ESR1: variants seen among roughly 807,000 people sequenced by gnomAD.
ESR1 encodes estrogen receptor.
A neutral mutation model predicts 52.7 loss-of-function variants in ESR1; 12 were observed. The observed-to-expected ratio is 0.23, with a 90% CI of 0.15 to 0.37. ESR1 has a LOEUF of 0.37. ESR1 is among the 10% of genes least tolerant of loss of function. The pLI is 1.00. For missense variants in ESR1, 584 were observed against 779.7 expected, an observed-to-expected ratio of 0.75 and a Z score of 2.99; for synonymous variants, 305 against 316.8, an observed-to-expected ratio of 0.96 and a Z score of 0.39.
chr6:152,128,650 G>C (rs1451008144), exon 7 of ESR1: 2 of 152,126 alleles, frequency 1.3e-5, no homozygotes, highest in African/African-American at 4.8e-5. Context: ...TCTCCTCTCA[G>C]GAAGAATGCG....
chr6:151,815,503 G>A (rs528994554), intron 1 of ESR1, among the ~76,000 whole-genome samples: 1 of 152,258 alleles, frequency 6.6e-6, no homozygotes, highest in East Asian at 1.9e-4. Flanking sequence ...AAGCATCAGG[G>A]ACATGGTTTG....
rs191158472 is a variant in ESR1 at position 151,729,150 on chromosome 6, G to A, written c.-71+27145G>A. ...TGAGAGGTGATTAGGCCATGAGGGTGGAACCCTCAAGAAAAGGATTAGTGC... is the reference window on the plus strand; with the variant it reads ...TGAGAGGTGATTAGGCCATGAGGGTAGAACCCTCAAGAAAAGGATTAGTGC... On this transcript the variant is annotated intron_variant, in intron 2 of 2. Coordinates refer to the ESR1 transcript ENST00000404742. 3.3e-5 allele frequency among the ~76,000 whole-genome samples: 5 copies of A among 152,094 alleles called. No individual in the cohort carries two copies. In the East Asian group the frequency reaches 7.7e-4, roughly 24 times the overall value.
intron 5 of ESR1, among the ~76,000 whole-genome samples, chr6:152,021,086 G>T (rs1319386135): frequency 6.6e-6 from 1 of 152,130 alleles, no homozygotes; most frequent in Non-Finnish European, 1.5e-5. Context: ...TATTAATCCT[G>T]GGTGTGTCTG....
At chr6:151,772,460 G>T (rs1785601856) in intron 2 of ESR1, among the ~76,000 whole-genome samples, 1 of 152,212 alleles carries the variant, frequency 6.6e-6, no homozygotes, top group Non-Finnish European at 1.5e-5. Flanking sequence ...AAAGAAGGGA[G>T]TGGTGGCTAG....
intron 4 of ESR1, among the ~76,000 whole-genome samples, chr6:151,970,820 C>T (rs1276692188): frequency 6.6e-6 from 1 of 152,176 alleles, no homozygotes; most frequent in Non-Finnish European, 1.5e-5. Context: ...CTTTCCCCAC[C>T]TCATTCTCTC....
chr6:152,006,201 T>C (rs2042318800), intron 4 of ESR1, among the ~76,000 whole-genome samples: 1 of 152,088 alleles, frequency 6.6e-6, no homozygotes, highest in South Asian at 2.1e-4. Flanking sequence ...GTTGCATTTA[T>C]TTTATTTTCT....
intron 2 of ESR1, among the ~76,000 whole-genome samples, chr6:151,779,345 G>A (rs2203380): frequency 0.087 from 13,279 of 152,044 alleles, 702 homozygotes; most frequent in African/African-American, 0.1. Context: ...TTTATTAAAC[G>A]GGGAATCCTT....
intron 4 of ESR1, among the ~76,000 whole-genome samples, chr6:151,976,361 A>G (rs985428553): frequency 6.6e-6 from 1 of 152,132 alleles, no homozygotes; most frequent in Admixed American, 6.5e-5. Context: ...GAATCATAAA[A>G]CAATTAATCC....
At chr6:151,864,583 A>C (rs1197250592) in intron 2 of ESR1, among the ~76,000 whole-genome samples, 2 of 152,302 alleles carry the variant, frequency 1.3e-5, no homozygotes, top group East Asian at 3.9e-4. Context: ...CCATCCCATT[A>C]CTGGGTATAT....
intron 5 of ESR1, among the ~76,000 whole-genome samples, chr6:152,016,457 T>G (rs1287553139): frequency 2.0e-5 from 3 of 152,180 alleles, no homozygotes; most frequent in Non-Finnish European, 4.4e-5. Context: ...TTATTAAATT[T>G]CAATATTATT....
intron 2 of ESR1, among the ~76,000 whole-genome samples, chr6:151,767,146 C>T (rs1785122682): frequency 6.6e-6 from 1 of 152,110 alleles, no homozygotes; most frequent in Non-Finnish European, 1.5e-5. Context: ...AGCAATTGCC[C>T]CAAATTCAGT....
At chr6:151,876,540 A>C (rs1791848277) in intron 2 of ESR1, among the ~76,000 whole-genome samples, 1 of 152,178 alleles carries the variant, frequency 6.6e-6, no homozygotes, top group Non-Finnish European at 1.5e-5. Flanking sequence ...ACAAATGCAG[A>C]CTTTCTGTGT....
At chr6:151,823,626 C>A (rs1780968382) in intron 1 of ESR1, among the ~76,000 whole-genome samples, 1 of 152,008 alleles carries the variant, frequency 6.6e-6, no homozygotes, top group African/African-American at 2.4e-5. Context: ...CCCCCCTACC[C>A]CCACCCCACG....
intron 1 of ESR1, among the ~76,000 whole-genome samples, chr6:151,670,762 G>GTTTTTTTTTTTTTTTTT (rs35606990): frequency 2.3e-5 from 2 of 85,782 alleles, no homozygotes; most frequent in Non-Finnish European, 2.1e-5. Flanking sequence ...TTTTGTTTTC[G>GTTTTTTTTTTTTTTTTT]TTTTTTTTTT....
At chr6:151,657,407 A>T (rs1412762125) in intron 1 of ESR1, among the ~76,000 whole-genome samples, 1 of 152,168 alleles carries the variant, frequency 6.6e-6, no homozygotes, top group African/African-American at 2.4e-5. Flanking sequence ...TATTTTGGGT[A>T]ACAATTGTAT....
At chr6:151,725,031 T>C (rs1171430653) in intron 2 of ESR1, among the ~76,000 whole-genome samples, 1 of 152,226 alleles carries the variant, frequency 6.6e-6, no homozygotes, top group Non-Finnish European at 1.5e-5. Flanking sequence ...ATTCTATGTA[T>C]TTTCCTTTGT....
At chr6:152,004,823 C>G (rs1434637594) in intron 4 of ESR1, among the ~76,000 whole-genome samples, 1 of 151,968 alleles carries the variant, frequency 6.6e-6, no homozygotes, top group Non-Finnish European at 1.5e-5. Context: ...TCATGACCTT[C>G]ATCATTCATA....
At chr6:151,757,136 T>C (rs1166289161) in intron 2 of ESR1, among the ~76,000 whole-genome samples, 1 of 152,154 alleles carries the variant, frequency 6.6e-6, no homozygotes, top group African/African-American at 2.4e-5. Flanking sequence ...ATCAGAACTG[T>C]CTAACCTCCC....
intron 2 of ESR1, among the ~76,000 whole-genome samples, chr6:151,718,639 C>A (rs562730883): frequency 6.6e-6 from 1 of 152,130 alleles, no homozygotes; most frequent in East Asian, 1.9e-4. Context: ...TTATGGTGCC[C>A]CAGCAAATCC....
Sources: allele counts gnomAD v4.1 joint callset (sites outside exome capture counted in the v4.1 genomes callset), GRCh38; gene constraint gnomAD v4.1.1; transcripts MANE v1.5; gene names NCBI Gene and HGNC (gene_info 2026-07-23, HGNC 2026-07-21).